KLF9: variants seen among roughly 807,000 people sequenced by gnomAD.
KLF9 encodes the protein KLF transcription factor 9, also known as Krueppel-like factor 9.
Under a neutral mutation model 17.3 loss-of-function variants are expected in KLF9, and 2 were observed. The ratio of observed to expected loss-of-function variants is 0.12; its 90% CI spans 0.05 to 0.36. The LOEUF (loss-of-function observed/expected upper bound fraction) is 0.36. Ranked by LOEUF, KLF9 falls within the 10% of genes least tolerant of loss-of-function variation. KLF9 has a pLI of 1.00. For synonymous variants in KLF9, 138 were observed against 139.2 expected (o/e 0.99, Z 0.06); for missense variants, 226 against 333.2 (o/e 0.68, Z 2.51).
At chr9:70,411,382 C>T (rs2037311749) in intron 1 of KLF9, among the ~76,000 whole-genome samples, 1 of 152,224 alleles carries the variant, frequency 6.6e-6, no homozygotes, top group African/African-American at 2.4e-5. Flanking sequence ...TATACCCCTA[C>T]TTCACCCCCA....
At chr9:70,409,218 A>ATG (rs1237403494) in intron 1 of KLF9, among the ~76,000 whole-genome samples, 22 of 134,148 alleles carry the variant, frequency 1.6e-4, no homozygotes, top group African/African-American at 6.0e-4. Flanking sequence ...ATATACATAT[A>ATG]TGTATATATA....
At chr9:70,410,035 G>GT (rs1284127407) in intron 1 of KLF9, among the ~76,000 whole-genome samples, 1 of 152,176 alleles carries the variant, frequency 6.6e-6, no homozygotes, top group Non-Finnish European at 1.5e-5. Context: ...CTTGAGGATA[G>GT]TAGCCCTACC....
rs1391841460 is a variant in KLF9 at position 70,413,701 on chromosome 9, C to T, written c.-338G>A. Reference sequence around the variant, plus strand: ...AGCCGGCTCCCTTGGAAAGATGCCACACGTGGCGGTCGCAAGTTTATTCGA... The same window carrying T: ...AGCCGGCTCCCTTGGAAAGATGCCATACGTGGCGGTCGCAAGTTTATTCGA... On this transcript the variant is annotated 5_prime_UTR_variant, in exon 1 of 2. The change creates a new upstream start codon in the 5' untranslated region. Coordinates refer to ENST00000377126, the MANE Select transcript of KLF9 (RefSeq NM_001206.4). This position sits in a 1 kb window ranked among gnomAD's most constrained non-coding sequence, Gnocchi z 5.6. 6.5e-6 allele frequency: 1 copy of T among 154,684 alleles called. No homozygotes were observed. Among genetic ancestry groups the T allele is most frequent in the Non-Finnish European group, 1.4e-5 (1 of 69,470 alleles). The allele number at this position is 154,684 out of a possible 1,614,324, so 9.6% of individuals were successfully genotyped here.
At chr9:70,389,190 C>T (rs997133420) in intron 1 of KLF9, among the ~76,000 whole-genome samples, 1 of 151,994 alleles carries the variant, frequency 6.6e-6, no homozygotes, top group African/African-American at 2.4e-5. Flanking sequence ...ACATCATAAT[C>T]CTTTAAATAT....
chr9:70,414,417 T>G lies in KLF9; in HGVS notation c.-1054A>C, dbSNP rs1305753476. Reference sequence around the variant, plus strand: ...ACCAGCCTTCCAATCAAAAGTAAGTTGGTTGATGTCACTGGCATTGGCTCG... The same window carrying G: ...ACCAGCCTTCCAATCAAAAGTAAGTGGGTTGATGTCACTGGCATTGGCTCG... On this transcript the variant is annotated 5_prime_UTR_variant, in exon 1 of 2. Transcript: ENST00000377126. The G allele has an allele frequency of 6.6e-6, 1 of 152,188 alleles. No individual in the cohort carries two copies. The highest frequency in any genetic ancestry group is 2.4e-5 in the African/African-American group (1 of 41,428). 9.4% of individuals were successfully genotyped at this position (152,188 alleles called of 1,614,324 possible).
At chr9:70,403,532 T>C (rs1440378782) in intron 1 of KLF9, among the ~76,000 whole-genome samples, 1 of 152,074 alleles carries the variant, frequency 6.6e-6, no homozygotes, top group Non-Finnish European at 1.5e-5. Context: ...TCACCACTAT[T>C]TGGAGACAGC....
At chr9:70,407,783 T>C (rs957695125) in intron 1 of KLF9, among the ~76,000 whole-genome samples, 5 of 152,192 alleles carry the variant, frequency 3.3e-5, no homozygotes, top group African/African-American at 4.8e-5. Flanking sequence ...CAAGGGAGTT[T>C]TACCCTCTTG....
At chr9:70,407,194 G>A (rs1672201764) in intron 1 of KLF9, among the ~76,000 whole-genome samples, 1 of 152,122 alleles carries the variant, frequency 6.6e-6, no homozygotes, top group Non-Finnish European at 1.5e-5. Context: ...TTCAATCTGG[G>A]AATTTCCCAC....
intron 1 of KLF9, among the ~76,000 whole-genome samples, chr9:70,409,376 A>C (rs1049519591): frequency 1.3e-5 from 2 of 151,392 alleles, no homozygotes; most frequent in Non-Finnish European, 2.9e-5. Context: ...CCAAAAAGAG[A>C]ATAAGATGGC....
intron 1 of KLF9, among the ~76,000 whole-genome samples, chr9:70,393,600 A>G (rs73649110): frequency 0.025 from 3,796 of 152,294 alleles, 141 homozygotes; most frequent in African/African-American, 0.086. Context: ...GAGACAGGAA[A>G]GTCAAAAATA....
chr9:70,393,047 G>A (rs1367298611), intron 1 of KLF9, among the ~76,000 whole-genome samples: 2 of 152,068 alleles, frequency 1.3e-5, no homozygotes, highest in South Asian at 2.1e-4. Flanking sequence ...ACCACTCCCC[G>A]CCCCTTTCAG....
chr9:70,398,041 T>C (rs2037194320), intron 1 of KLF9, among the ~76,000 whole-genome samples: 1 of 152,238 alleles, frequency 6.6e-6, no homozygotes, highest in Non-Finnish European at 1.5e-5. Context: ...AAAAGTCTCC[T>C]GTTTATCAGA....
intron 1 of KLF9, among the ~76,000 whole-genome samples, chr9:70,409,130 G>GTGTATATA (rs1564089305): frequency 9.4e-4 from 50 of 52,956 alleles, no homozygotes; most frequent in African/African-American, 2.3e-3. Flanking sequence ...ATGTATATAT[G>GTGTATATA]TATACATATA....
intron 1 of KLF9, among the ~76,000 whole-genome samples, chr9:70,398,905 C>G (rs1057197156): frequency 6.6e-6 from 1 of 152,198 alleles, no homozygotes; most frequent in African/African-American, 2.4e-5. Flanking sequence ...GTGATCTTGG[C>G]TCACTGCAGC....
chr9:70,414,027 ACT>A lies in KLF9; in HGVS notation c.-666_-665del, dbSNP rs2118936043. 6.6e-6 allele frequency: 1 copy of A among 152,522 alleles called. No homozygotes were observed. The highest frequency in any genetic ancestry group is 2.4e-5 in the African/African-American group (1 of 41,492). The allele number at this position is 152,522 out of a possible 1,614,324, so 9.4% of individuals were successfully genotyped here. ...ATTGGCCAGTGGGGAGGGTGATTCA[ACT>A]CTGTTTACTTTCTCCCCCTGCCAGT... On this transcript the variant is annotated 5_prime_UTR_variant, in exon 1 of 2. Transcript: ENST00000377126.
intron 1 of KLF9, among the ~76,000 whole-genome samples, chr9:70,409,172 A>ATATATGTATACATATACATATATATG (rs1564089400): frequency 2.8e-5 from 1 of 35,882 alleles, no homozygotes; most frequent in Non-Finnish European, 8.7e-5. Flanking sequence ...ACATATATGT[A>ATATATGTATACATATACATATATATG]TATATATGTA....
chr9:70,395,084 T>G (rs1025224665), intron 1 of KLF9, among the ~76,000 whole-genome samples: 1 of 152,208 alleles, frequency 6.6e-6, no homozygotes, highest in Non-Finnish European at 1.5e-5. Context: ...TAAAATGGAT[T>G]ATTAAAGCTG....
chr9:70,398,084 A>G (rs2118914728), intron 1 of KLF9, among the ~76,000 whole-genome samples: 1 of 152,348 alleles, frequency 6.6e-6, no homozygotes, highest in East Asian at 1.9e-4. Context: ...TTCTGAACGA[A>G]TAAAAATGTT....
chr9:70,406,571 G>C (rs1426071252), intron 1 of KLF9, among the ~76,000 whole-genome samples: 5 of 152,198 alleles, frequency 3.3e-5, no homozygotes, highest in African/African-American at 1.2e-4. Flanking sequence ...CAAAAAGTGG[G>C]GCGGAGAAAG....
Sources: allele counts gnomAD v4.1 joint callset (sites outside exome capture counted in the v4.1 genomes callset), GRCh38; gene constraint gnomAD v4.1.1; non-coding constraint Gnocchi (gnomAD v3.1); transcripts MANE v1.5; gene names NCBI Gene and HGNC (gene_info 2026-07-23, HGNC 2026-07-21).